Variants in DLG2 observed in about 807,000 individuals in gnomAD.
The protein encoded by DLG2 is discs large MAGUK scaffold protein 2, also known as disks large homolog 2.
A neutral mutation model predicts 132.5 loss-of-function variants in DLG2; 45 were observed. The ratio of observed to expected loss-of-function variants is 0.34; its 90% CI spans 0.27 to 0.44. DLG2 has a LOEUF of 0.44. Ranked by LOEUF, DLG2 falls within the 20% of genes least tolerant of loss-of-function variation. The pLI, the probability that DLG2 is intolerant of heterozygous loss-of-function variation, is 1.00. For synonymous variants in DLG2, 424 were observed against 419.6 expected (o/e 1.01, Z -0.13); for missense variants, 1,045 against 1,196.9 (o/e 0.87, Z 1.87).
intron 4 of DLG2, among the ~76,000 whole-genome samples, chr11:85,236,691 A>G (rs1298268261): frequency 1.3e-5 from 2 of 151,996 alleles, no homozygotes; most frequent in African/African-American, 4.8e-5. Flanking sequence ...TTAAACCTCA[A>G]ATAACTATGC....
chr11:85,187,241 A>C (rs2080180135), intron 4 of DLG2, among the ~76,000 whole-genome samples: 1 of 152,164 alleles, frequency 6.6e-6, no homozygotes, highest in East Asian at 1.9e-4. Context: ...TTGACTAAAA[A>C]TAAACCGAAG....
chr11:83,569,421 T>C lies in DLG2; in HGVS notation c.1941-27563A>G, dbSNP rs139286165. On this transcript the variant is annotated intron_variant, in intron 19 of 27. Transcript: ENST00000376104. ...AATCTTAATAATAGCAGCCATCTTA[T>C]TGAATTTTTTGCTATATGTCAAGTC... 3.6e-4 allele frequency among the ~76,000 whole-genome samples: 55 copies of C among 152,342 alleles called. No individual in the cohort carries two copies. The East Asian group carries it at 7.5e-3, about 21-fold the overall frequency.
At chr11:83,878,930 G>C (rs1279903450) in intron 15 of DLG2, among the ~76,000 whole-genome samples, 2 of 152,138 alleles carry the variant, frequency 1.3e-5, no homozygotes, top group Non-Finnish European at 2.9e-5. Context: ...AAGCCCTATT[G>C]CCTGTCCAAA....
intron 6 of DLG2, among the ~76,000 whole-genome samples, chr11:84,577,172 G>A (rs190235708): frequency 1.3e-5 from 2 of 152,312 alleles, no homozygotes; most frequent in Admixed American, 6.5e-5. Context: ...ATGTGGAATG[G>A]TACGTCCAAT....
chr11:83,597,112 G>A (rs1340106269), intron 19 of DLG2, among the ~76,000 whole-genome samples: 1 of 152,120 alleles, frequency 6.6e-6, no homozygotes, highest in Non-Finnish European at 1.5e-5. Flanking sequence ...AGGCTCAACA[G>A]TTGTATCTAT....
intron 3 of DLG2, among the ~76,000 whole-genome samples, chr11:85,462,814 AT>A (rs755920681): frequency 1.2e-3 from 186 of 149,134 alleles, no homozygotes; most frequent in Middle Eastern, 3.5e-3. Flanking sequence ...AAAAAAAAAA[AT>A]GAAAACCTAA....
chr11:84,458,661 T>C (rs1312645687), intron 7 of DLG2, among the ~76,000 whole-genome samples: 1 of 150,730 alleles, frequency 6.6e-6, no homozygotes, highest in Non-Finnish European at 1.5e-5. Flanking sequence ...TTTTTCTATT[T>C]TAAACATAGT....
intron 3 of DLG2, among the ~76,000 whole-genome samples, chr11:85,480,339 C>T (rs1297411952): frequency 1.3e-5 from 2 of 151,968 alleles, no homozygotes; most frequent in African/African-American, 2.4e-5. Context: ...ATGGAAATAT[C>T]CTAATTGTCC....
chr11:84,844,594 C>T (rs1198150491), intron 6 of DLG2, among the ~76,000 whole-genome samples: 1 of 151,944 alleles, frequency 6.6e-6, no homozygotes, highest in Admixed American at 6.6e-5. Context: ...CTCTTTCTTG[C>T]TCTATTTTTA....
intron 5 of DLG2, among the ~76,000 whole-genome samples, chr11:85,142,368 T>C (rs2076550720): frequency 6.6e-6 from 1 of 151,840 alleles, no homozygotes; most frequent in South Asian, 2.1e-4. Flanking sequence ...TTGTTCATTG[T>C]TGACATTTAG....
rs1410950764 is a variant in DLG2 at position 84,653,527 on chromosome 11, T to C, written c.358-118796A>G. Among the ~76,000 whole-genome samples, 3 of 152,294 alleles carry C rather than the reference T, an allele frequency of 2.0e-5. No individual in the cohort carries two copies. In the East Asian group the frequency reaches 5.8e-4, roughly 29 times the overall value. ...TGTTACCTCAGCATCGTCTATCCTTTATTTAAACATCCTCACTTCTTCAGA... is the reference window on the plus strand; with the variant it reads ...TGTTACCTCAGCATCGTCTATCCTTCATTTAAACATCCTCACTTCTTCAGA... On this transcript the variant is annotated intron_variant, in intron 6 of 27. Transcript: ENST00000376104.
intron 6 of DLG2, among the ~76,000 whole-genome samples, chr11:84,835,521 A>G (rs545647228): frequency 3.9e-4 from 59 of 151,878 alleles, no homozygotes; most frequent in African/African-American, 1.4e-3. Context: ...GAATTGTGCA[A>G]TAAATTCTAT....
chr11:84,158,063 T>C (rs959799276), intron 9 of DLG2, among the ~76,000 whole-genome samples: 1 of 149,626 alleles, frequency 6.7e-6, no homozygotes, highest in Non-Finnish European at 1.5e-5. Context: ...TTGTGTTTTG[T>C]TTTTTTGGTT....
chr11:84,294,204 A>G (rs1005928091), intron 7 of DLG2, among the ~76,000 whole-genome samples: 1 of 152,192 alleles, frequency 6.6e-6, no homozygotes, highest in African/African-American at 2.4e-5. Context: ...CTCTGTTTTT[A>G]ATTTATTGAG....
chr11:84,528,094 T>C (rs1234440260), intron 7 of DLG2, among the ~76,000 whole-genome samples: 1 of 152,196 alleles, frequency 6.6e-6, no homozygotes, highest in African/African-American at 2.4e-5. Flanking sequence ...TTCACTGCTC[T>C]TTGTTTCCCC....
At chr11:85,396,839 G>A (rs1050632926) in intron 3 of DLG2, among the ~76,000 whole-genome samples, 9 of 152,166 alleles carry the variant, frequency 5.9e-5, no homozygotes, top group Admixed American at 4.6e-4. Flanking sequence ...ATTGAACCAA[G>A]TTAGAAAACA....
chr11:83,489,154 TA>T (rs1478857762), intron 21 of DLG2, among the ~76,000 whole-genome samples: 1 of 151,932 alleles, frequency 6.6e-6, no homozygotes, highest in East Asian at 1.9e-4. Flanking sequence ...TATTACAAGG[TA>T]GTCTTGAAAA....
At chr11:84,195,979 T>A (rs1383673912) in intron 8 of DLG2, among the ~76,000 whole-genome samples, 1 of 152,162 alleles carries the variant, frequency 6.6e-6, no homozygotes, top group Admixed American at 6.5e-5. Context: ...ACATGTTGGA[T>A]GAGGAAATAA....
At chr11:83,641,862 AGTGTGTGT>A (rs34754104) in intron 18 of DLG2, among the ~76,000 whole-genome samples, 40 of 147,878 alleles carry the variant, frequency 2.7e-4, no homozygotes, top group African/African-American at 4.4e-4. Flanking sequence ...AGAGAGAGGG[AGTGTGTGT>A]GTGTGTGTGT....
Sources: gnomAD v4.1 joint callset for allele counts (sites outside exome capture counted in the v4.1 genomes callset) on GRCh38, gnomAD v4.1.1 for gene constraint, MANE v1.5 for transcripts, NCBI Gene and HGNC (gene_info 2026-07-23, HGNC 2026-07-21) for gene names.